KIF5C: variants seen among roughly 807,000 people sequenced by gnomAD.
KIF5C encodes kinesin family member 5C.
Under a neutral mutation model 125.2 loss-of-function variants are expected in KIF5C, and 18 were observed. The observed-to-expected ratio is 0.14, with a 90% CI of 0.10 to 0.21. The LOEUF (loss-of-function observed/expected upper bound fraction) is 0.21, where lower values mean the gene tolerates loss of function less well. KIF5C is among the 10% of genes least tolerant of loss of function. The pLI is 1.00. For synonymous variants in KIF5C, 405 were observed against 434.0 expected, an observed-to-expected ratio of 0.93 and a Z score of 0.83; for missense variants, 780 against 1,183.8, an observed-to-expected ratio of 0.66 and a Z score of 5.01.
chr2:148,903,454 CA>C (rs1680981367), intron 1 of KIF5C, among the ~76,000 whole-genome samples: 1 of 152,170 alleles, frequency 6.6e-6, no homozygotes. Context: ...ACATTGGAGA[CA>C]CCCTTTAACT....
intron 1 of KIF5C, among the ~76,000 whole-genome samples, chr2:148,880,832 C>T (rs546146366): frequency 4.0e-4 from 60 of 151,806 alleles, no homozygotes; most frequent in African/African-American, 1.4e-3. Context: ...TGTAATCTGG[C>T]GTGTGTCACT....
chr2:148,950,103 C>T (rs988808581), intron 9 of KIF5C, among the ~76,000 whole-genome samples, 160 bp downstream of exon 9: 1 of 152,108 alleles, frequency 6.6e-6, no homozygotes, highest in East Asian at 1.9e-4. Flanking sequence ...TGGGAGTTCC[C>T]ATCTACTAAA....
intron 25 of KIF5C, among the ~76,000 whole-genome samples, chr2:149,014,827 T>C (rs911241550): frequency 2.6e-5 from 4 of 152,192 alleles, no homozygotes; most frequent in Non-Finnish European, 5.9e-5. Context: ...TCCTGGCGAC[T>C]GGATAGGGAA....
intron 11 of KIF5C, among the ~76,000 whole-genome samples, chr2:148,972,808 C>T (rs888769553): frequency 2.0e-5 from 3 of 152,142 alleles, no homozygotes; most frequent in African/African-American, 7.2e-5. Context: ...CCAGGGCTAC[C>T]CTGTCTTCTG....
intron 1 of KIF5C, among the ~76,000 whole-genome samples, chr2:148,903,987 C>G (rs1189104653): frequency 6.6e-6 from 1 of 152,152 alleles, no homozygotes; most frequent in African/African-American, 2.4e-5. Flanking sequence ...TTGAGCCACT[C>G]TACTGCTACT....
chr2:148,988,909 C>CA (rs1461586812), intron 15 of KIF5C, among the ~76,000 whole-genome samples: 6 of 152,226 alleles, frequency 3.9e-5, no homozygotes, highest in Non-Finnish European at 8.8e-5. Flanking sequence ...ATACATTCTG[C>CA]AGTATTGTTG....
At chr2:148,993,433 C>T (rs527744129) in intron 16 of KIF5C, among the ~76,000 whole-genome samples, 5 of 152,324 alleles carry the variant, frequency 3.3e-5, no homozygotes, top group African/African-American at 1.2e-4. Flanking sequence ...AAAGATTCGA[C>T]CATTATTTCC....
At position 149,020,357 on chromosome 2, in the gene KIF5C, T is replaced by TC. The variant is rs1447591821; in HGVS notation, c.*8-2719dup. 2.0e-5 allele frequency: 3 copies of TC among 152,190 alleles called. No homozygotes were observed. In the South Asian group the frequency reaches 6.2e-4, roughly 32 times the overall value. 9.4% of individuals were successfully genotyped at this position (152,190 alleles called of 1,614,324 possible). On this transcript the variant is annotated intron_variant, in intron 25 of 25. Transcript: ENST00000435030. ...TTCATTGGCAGAGTTCCTGTGCTTT[T>TC]CCTCTCCTTTCTCACTCTCCTTGAG...
chr2:148,956,469 G>A (rs780895604), intron 10 of KIF5C, among the ~76,000 whole-genome samples: 1 of 152,124 alleles, frequency 6.6e-6, no homozygotes, highest in African/African-American at 2.4e-5. Context: ...CTTTCCTAAG[G>A]GTGGTTAACA....
chr2:148,948,002 T>G (rs964288673), intron 8 of KIF5C: 1 of 456,634 alleles, frequency 2.2e-6, no homozygotes, highest in African/African-American at 2.0e-5. Flanking sequence ...TATGCATTTG[T>G]AAAACCTGAG....
intron 3 of KIF5C, 125 bp from the exon 4 acceptor site, chr2:148,937,159 C>T: frequency 7.4e-7 from 1 of 1,359,456 alleles, no homozygotes. Flanking sequence ...AGGGAGCTGG[C>T]AGGCACACGT....
intron 1 of KIF5C, among the ~76,000 whole-genome samples, chr2:148,887,968 C>T (rs1386988032): frequency 1.3e-5 from 2 of 152,238 alleles, no homozygotes; most frequent in East Asian, 3.9e-4. Context: ...CCCTTACCCC[C>T]GCAGCAAGGG....
At chr2:148,981,792 A>G (rs1681245353) in intron 14 of KIF5C, among the ~76,000 whole-genome samples, 1 of 152,212 alleles carries the variant, frequency 6.6e-6, no homozygotes, top group South Asian at 2.1e-4. Flanking sequence ...AATTAATAAC[A>G]TTAGTGGGGA....
At chr2:148,899,169 C>G (rs1412076529) in intron 1 of KIF5C, among the ~76,000 whole-genome samples, 1 of 152,046 alleles carries the variant, frequency 6.6e-6, no homozygotes, top group East Asian at 1.9e-4. Context: ...CTTTCGTCAT[C>G]GAACACCTTT....
intron 25 of KIF5C, among the ~76,000 whole-genome samples, 186 bp downstream of exon 25, chr2:149,011,869 C>A (rs1217620754): frequency 2.6e-5 from 4 of 152,236 alleles, no homozygotes; most frequent in African/African-American, 9.6e-5. Flanking sequence ...CTGGGGTCTT[C>A]TAGCTGAGGC....
intron 3 of KIF5C, among the ~76,000 whole-genome samples, chr2:148,934,152 A>C (rs999097431): frequency 2.0e-5 from 3 of 151,482 alleles, no homozygotes; most frequent in African/African-American, 7.3e-5. Context: ...ACACACACAG[A>C]CATATACACA....
At chr2:148,967,360 C>T (rs973387840) in intron 11 of KIF5C, among the ~76,000 whole-genome samples, 1 of 152,216 alleles carries the variant, frequency 6.6e-6, no homozygotes, top group Non-Finnish European at 1.5e-5. Context: ...GGGGCTGCTT[C>T]AGGGATACAG....
At position 149,025,772 on chromosome 2, in the gene KIF5C, T is replaced by C. The variant is rs1682670381; in HGVS notation, c.*2702T>C. The C allele has an allele frequency of 6.6e-6, 1 of 152,560 alleles. No individual in the cohort carries two copies. Among genetic ancestry groups the C allele is most frequent in the African/African-American group, 2.4e-5 (1 of 41,472 alleles). The allele number at this position is 152,560 out of a possible 1,614,324, so 9.5% of individuals were successfully genotyped here. The stretch of plus-strand genomic sequence containing the variant: ...TGTTTGAGATATCAAGATTTATGTC[T>C]GGGAACTAAAATATATAATGCCAAA... On this transcript the variant is annotated 3_prime_UTR_variant, in exon 26 of 26. Transcript: ENST00000435030.
intron 11 of KIF5C, among the ~76,000 whole-genome samples, chr2:148,966,122 G>T (rs1204008072): frequency 6.6e-6 from 1 of 152,110 alleles, no homozygotes; most frequent in African/African-American, 2.4e-5. Context: ...CACGCACATT[G>T]GTTCTAAACT....
Sources: allele counts gnomAD v4.1 joint callset (sites outside exome capture counted in the v4.1 genomes callset), GRCh38; gene constraint gnomAD v4.1.1; transcripts MANE v1.5; gene names NCBI Gene and HGNC (gene_info 2026-07-23, HGNC 2026-07-21).